ANKRD62: variants seen among roughly 807,000 people sequenced by gnomAD.
The protein encoded by ANKRD62 is ankyrin repeat domain 62.
In ANKRD62, 61 loss-of-function variants were observed where a neutral mutation model predicts 98.8. The ratio of observed to expected loss-of-function variants is 0.62; its 90% confidence interval spans 0.50 to 0.76. The LOEUF (loss-of-function observed/expected upper bound fraction) is 0.76. Ranked by LOEUF, ANKRD62 falls within the 30% of genes least tolerant of loss-of-function variation. The pLI is 0.00. For missense variants in ANKRD62, 933 were observed against 1,082.9 expected (o/e 0.86, Z 1.94); for synonymous variants, 341 against 367.9 (o/e 0.93, Z 0.84).
intron 6 of ANKRD62, among the ~76,000 whole-genome samples, chr18:12,101,619 C>T (rs1826202837): frequency 6.6e-6 from 1 of 152,100 alleles, no homozygotes. Context: ...TTCCCTTTGT[C>T]CATCATTCCC....
chr18:12,119,006 A>G (rs1375014819), intron 10 of ANKRD62, among the ~76,000 whole-genome samples: 1 of 152,190 alleles, frequency 6.6e-6, no homozygotes, highest in Non-Finnish European at 1.5e-5. Flanking sequence ...TGCCATAGCT[A>G]GCTGAGTTTG....
chr18:12,123,369 A>G (rs1909822378), intron 11 of ANKRD62, among the ~76,000 whole-genome samples: 1 of 152,134 alleles, frequency 6.6e-6, no homozygotes, highest in African/African-American at 2.4e-5. Flanking sequence ...TACTCTTAAT[A>G]TGCAGCGAAT....
intron 8 of ANKRD62, among the ~76,000 whole-genome samples, chr18:12,111,675 A>G (rs1218306812): frequency 6.6e-6 from 1 of 152,228 alleles, no homozygotes; most frequent in Non-Finnish European, 1.5e-5. Flanking sequence ...TGTGAGGCCA[A>G]AATCTTCTTA....
chr18:12,118,557 C>T (rs907991389), intron 10 of ANKRD62, among the ~76,000 whole-genome samples: 10 of 149,392 alleles, frequency 6.7e-5, no homozygotes, highest in African/African-American at 2.5e-4. Flanking sequence ...TGCAGTGAGC[C>T]AAGTTTGTGT....
the ANKRD62 span, among the ~76,000 whole-genome samples, chr18:12,137,505 TTC>T: frequency 6.6e-6 from 1 of 152,230 alleles, no homozygotes; most frequent in Admixed American, 6.5e-5. Context: ...TGGTCTAAAA[TTC>T]TCTTTTTTGG....
chr18:12,122,820 C>T (rs2143929332), intron 11 of ANKRD62, among the ~76,000 whole-genome samples: 1 of 152,136 alleles, frequency 6.6e-6, no homozygotes, highest in South Asian at 2.1e-4. Flanking sequence ...CTGTAAGAAA[C>T]ATCTTACAGA....
At chr18:12,134,346 A>G (rs1910048144), downstream of ANKRD62, among the ~76,000 whole-genome samples, 1 of 152,302 alleles carries the variant, frequency 6.6e-6, no homozygotes, top group East Asian at 1.9e-4. Flanking sequence ...TGACATAACT[A>G]TAGTCCCTGC....
chr18:12,169,367 T>C, the ANKRD62 span, among the ~76,000 whole-genome samples: 1 of 152,368 alleles, frequency 6.6e-6, no homozygotes, highest in African/African-American at 2.4e-5. Flanking sequence ...GTTGAAGGCC[T>C]TTTCTGCATC....
rs189570097 is a variant in ANKRD62 at position 12,097,395 on chromosome 18, T to C, written c.615-245T>C. On this transcript the variant is annotated intron_variant, in intron 4 of 13. Coordinates refer to ENST00000587848, the MANE Select transcript of ANKRD62 (RefSeq NM_001277333.2). ...TATTCTGCCCATCAAAGGACTTTAT[T>C]TTATCAACTTCTGCTATGTCATATC... 4.0e-3 allele frequency among the ~76,000 whole-genome samples: 612 copies of C among 152,296 alleles called. 1 individual carries two copies. Among genetic ancestry groups the C allele is most frequent in the Non-Finnish European group, 7.1e-3 (486 of 68,022 alleles).
the ANKRD62 span, among the ~76,000 whole-genome samples, chr18:12,136,692 C>T: frequency 1.3e-5 from 2 of 152,154 alleles, no homozygotes; most frequent in African/African-American, 4.8e-5. Flanking sequence ...AATGTTCTTC[C>T]ATTTGTTTGT....
chr18:12,102,358 T>A (rs1342460327), intron 6 of ANKRD62: 1 of 631,548 alleles, frequency 1.6e-6, no homozygotes, highest in Non-Finnish European at 3.0e-6. Flanking sequence ...CGGGGGTAGG[T>A]CGGTTCTGAA....
rs974414148 is a variant in ANKRD62, at chr18:12,094,085, A to G, written c.68A>G (p.Asp23Gly). 2.0e-6 allele frequency: 3 copies of G among 1,534,872 alleles called. No individual in the cohort carries two copies. The African/African-American group carries it at 4.1e-5, about 21-fold the overall frequency. The change falls in exon 1 of 14, where the codon GAC becomes GGC. Residue 23 changes from aspartate to glycine, a missense_variant. By Grantham distance (94) the Asp-to-Gly change is moderately conservative. Around this residue, in one of 3 missense-constraint regions of ANKRD62, gnomAD observed 549 missense variants for 587.9 expected, o/e 0.93. Transcript: ENST00000587848. Reference protein sequence around the residue: ...RRMATWRKNRDKDGFSNPGYR... With the variant: ...RRMATWRKNRGKDGFSNPGYR... ...ATGGCTACCTGGAGGAAGAATCGTG[A>G]CAAGGATGGCTTCTCAAATCCCGGG...
intron 10 of ANKRD62, among the ~76,000 whole-genome samples, chr18:12,118,634 A>G (rs1158818360): frequency 6.6e-6 from 1 of 151,758 alleles, no homozygotes; most frequent in Non-Finnish European, 1.5e-5. Context: ...AAAAAGAAAG[A>G]AAGTAGCCTT....
At chr18:12,162,030 G>T in the ANKRD62 span, among the ~76,000 whole-genome samples, 49 of 152,174 alleles carry the variant, frequency 3.2e-4, no homozygotes, top group Middle Eastern at 6.8e-3. Context: ...CCTTTCTTTG[G>T]GGTATATACC....
chr18:12,154,405 CCA>C, the ANKRD62 span, among the ~76,000 whole-genome samples: 1 of 152,116 alleles, frequency 6.6e-6, no homozygotes, highest in Admixed American at 6.5e-5. Flanking sequence ...ATACCATCAC[CCA>C]CTAGTCAGAA....
At chr18:12,152,675 A>G in the ANKRD62 span, among the ~76,000 whole-genome samples, 43 of 152,182 alleles carry the variant, frequency 2.8e-4, no homozygotes, top group Non-Finnish European at 5.4e-4. Flanking sequence ...CCAGCACAAG[A>G]CAAGGATACC....
the ANKRD62 span, among the ~76,000 whole-genome samples, chr18:12,171,261 T>G: frequency 6.6e-6 from 1 of 152,276 alleles, no homozygotes; most frequent in Non-Finnish European, 1.5e-5. Flanking sequence ...GGCATGTTTT[T>G]GCAGTGGCTG....
At chr18:12,116,924 A>T (rs4796947) in intron 10 of ANKRD62, among the ~76,000 whole-genome samples, 1 of 151,870 alleles carries the variant, frequency 6.6e-6, no homozygotes, top group African/African-American at 2.4e-5. Context: ...TGTCATATTT[A>T]ATTTTCTCAG....
chr18:12,111,824 A>T (rs1909545697), intron 8 of ANKRD62, among the ~76,000 whole-genome samples: 1 of 152,148 alleles, frequency 6.6e-6, no homozygotes, highest in Non-Finnish European at 1.5e-5. Flanking sequence ...CAACAACAAC[A>T]TAAAAACCTA....
Sources: allele counts gnomAD v4.1 joint callset (sites outside exome capture counted in the v4.1 genomes callset), GRCh38; gene constraint gnomAD v4.1.1; regional missense constraint gnomAD v4.1.1; transcripts MANE v1.5; gene names NCBI Gene and HGNC (gene_info 2026-07-23, HGNC 2026-07-21).